SSBP2: variants seen among roughly 807,000 people sequenced by gnomAD.
SSBP2 encodes single stranded DNA binding protein 2.
Under a neutral mutation model 61.8 loss-of-function variants are expected in SSBP2, and 17 were observed. The observed-to-expected ratio is 0.28, with a 90% CI of 0.19 to 0.41. The LOEUF (loss-of-function observed/expected upper bound fraction) is 0.41, where lower values mean the gene tolerates loss of function less well. Ranked by LOEUF, SSBP2 falls within the 10% of genes least tolerant of loss-of-function variation. The pLI is 1.00. For missense variants in SSBP2, 310 were observed against 458.7 expected, an observed-to-expected ratio of 0.68 and a Z score of 2.96; for synonymous variants, 139 against 141.3, an observed-to-expected ratio of 0.98 and a Z score of 0.12.
At chr5:81,459,244 A>G (rs1333896572) in intron 10 of SSBP2, among the ~76,000 whole-genome samples, 3 of 152,186 alleles carry the variant, frequency 2.0e-5, no homozygotes, top group African/African-American at 7.2e-5. Flanking sequence ...CTAAAAAACT[A>G]AAAGTCATCA....
intron 4 of SSBP2, among the ~76,000 whole-genome samples, chr5:81,527,303 GA>G (rs1770020021): frequency 6.6e-6 from 1 of 152,064 alleles, no homozygotes; most frequent in South Asian, 2.1e-4. Flanking sequence ...CAGCACAAGT[GA>G]AAAGTGGAGG....
upstream of SSBP2, among the ~76,000 whole-genome samples, chr5:81,751,442 C>G (rs1010655437): frequency 2.0e-5 from 3 of 152,242 alleles, no homozygotes; most frequent in African/African-American, 7.2e-5. Context: ...CCACCCCTCC[C>G]CCCGCGCCGC....
intron 4 of SSBP2, among the ~76,000 whole-genome samples, chr5:81,574,781 A>T (rs1057225669): frequency 2.0e-5 from 3 of 152,208 alleles, no homozygotes; most frequent in Non-Finnish European, 4.4e-5. Context: ...CACAGGAATG[A>T]TATCTTCAAG....
intron 4 of SSBP2, among the ~76,000 whole-genome samples, chr5:81,573,504 T>C (rs1581058456): frequency 1.3e-5 from 2 of 152,346 alleles, no homozygotes; most frequent in South Asian, 4.1e-4. Flanking sequence ...CAAAGGGTTA[T>C]AGTCTTGGAC....
At chr5:81,678,789 A>G (rs1410027483) in intron 1 of SSBP2, among the ~76,000 whole-genome samples, 1 of 152,174 alleles carries the variant, frequency 6.6e-6, no homozygotes, top group Non-Finnish European at 1.5e-5. Context: ...AAAATAAAAG[A>G]ACGCCAAACC....
intron 4 of SSBP2, among the ~76,000 whole-genome samples, chr5:81,574,592 C>T (rs541500699): frequency 6.6e-6 from 1 of 151,936 alleles, no homozygotes; most frequent in African/African-American, 2.4e-5. Context: ...TTAAGAAGCA[C>T]TACAAAACCC....
intron 4 of SSBP2, among the ~76,000 whole-genome samples, chr5:81,529,173 T>A (rs1304824303): frequency 1.3e-5 from 2 of 152,088 alleles, no homozygotes; most frequent in Admixed American, 1.3e-4. Flanking sequence ...ATATGTAGAA[T>A]CAAGTATAAT....
chr5:81,453,807 T>A lies in SSBP2; in HGVS notation c.688-4982A>T, dbSNP rs1048039965. 1.2e-4 allele frequency among the ~76,000 whole-genome samples: 19 copies of A among 152,082 alleles called. 1 individual carries two copies. Among genetic ancestry groups the A allele is most frequent in the Non-Finnish European group, 2.9e-5 (2 of 68,014 alleles). On this transcript the variant is annotated intron_variant, in intron 10 of 16. Transcript: ENST00000320672. ...GCTTAAGCTTTTTACCTTTCTGTGA[T>A]ACACCTAAAAGTAAATAAAAAAGTA...
intron 4 of SSBP2, among the ~76,000 whole-genome samples, chr5:81,543,106 C>T (rs531041165): frequency 3.3e-5 from 5 of 152,240 alleles, no homozygotes; most frequent in South Asian, 2.1e-4. Context: ...CCGCCTGCTT[C>T]GGCCTCCCAA....
chr5:81,475,458 T>C (rs1338619113), intron 6 of SSBP2, among the ~76,000 whole-genome samples: 3 of 152,124 alleles, frequency 2.0e-5, no homozygotes, highest in East Asian at 1.9e-4. Flanking sequence ...CAAGTCATTT[T>C]TGTAGTTTTT....
At chr5:81,535,738 C>T (rs2154111546) in intron 4 of SSBP2, among the ~76,000 whole-genome samples, 1 of 151,986 alleles carries the variant, frequency 6.6e-6, no homozygotes, top group South Asian at 2.1e-4. Context: ...AAACACAGAC[C>T]TTACACCCTT....
chr5:81,511,305 T>C (rs923922018), intron 5 of SSBP2, among the ~76,000 whole-genome samples: 7 of 152,154 alleles, frequency 4.6e-5, no homozygotes, highest in African/African-American at 1.7e-4. Flanking sequence ...CATCACATTG[T>C]AGGGCTTCTC....
At chr5:81,719,657 C>T (rs1465958035) in intron 1 of SSBP2, among the ~76,000 whole-genome samples, 1 of 152,040 alleles carries the variant, frequency 6.6e-6, no homozygotes, top group Non-Finnish European at 1.5e-5. Context: ...GTTTATTACT[C>T]GCAGTTCTAG....
chr5:81,609,805 C>T (rs562338410), intron 4 of SSBP2, among the ~76,000 whole-genome samples: 1 of 152,282 alleles, frequency 6.6e-6, no homozygotes, highest in South Asian at 2.1e-4. Flanking sequence ...GTTGTGCCCA[C>T]CTTTCAGTGG....
intron 4 of SSBP2, among the ~76,000 whole-genome samples, chr5:81,548,128 G>A (rs981856740): frequency 7.2e-5 from 11 of 152,140 alleles, no homozygotes; most frequent in African/African-American, 2.7e-4. Flanking sequence ...TTTTGCTGTT[G>A]GAGGGTCTTG....
At chr5:81,453,558 G>A (rs1284643698) in intron 10 of SSBP2, among the ~76,000 whole-genome samples, 11 of 149,208 alleles carry the variant, frequency 7.4e-5, no homozygotes, top group Admixed American at 1.4e-4. Flanking sequence ...CCGGGTTCAC[G>A]CCATTCTCTT....
chr5:81,680,691 A>C (rs2153813035), intron 1 of SSBP2, among the ~76,000 whole-genome samples: 1 of 152,334 alleles, frequency 6.6e-6, no homozygotes, highest in African/African-American at 2.4e-5. Flanking sequence ...GTAATGGTAA[A>C]GGGGTCACTA....
At position 81,751,086 on chromosome 5, in the gene SSBP2, C is replaced by T; in HGVS notation, c.-44G>A. On this transcript the variant is annotated 5_prime_UTR_variant, in exon 1 of 17. The change abolishes an upstream ATG in the 5' untranslated region. Transcript: ENST00000320672. ...TCCCACTGTCACGCACCTGTCAACC[C>T]ATCACAGCCTCCCCGGGAACAGCCC... is the stretch of plus-strand genomic sequence containing the variant. 7 of 1,556,200 alleles carry T rather than the reference C, an allele frequency of 4.5e-6. No homozygotes were observed. Among genetic ancestry groups the T allele is most frequent in the Non-Finnish European group, 6.1e-6 (7 of 1,148,348 alleles).
intron 15 of SSBP2, among the ~76,000 whole-genome samples, chr5:81,432,535 A>G (rs1762357560): frequency 6.6e-6 from 1 of 152,112 alleles, no homozygotes. Flanking sequence ...TCACGATGTC[A>G]GGAGTTTGAG....
Sources: gnomAD v4.1 joint callset for allele counts (sites outside exome capture counted in the v4.1 genomes callset) on GRCh38, gnomAD v4.1.1 for gene constraint, MANE v1.5 for transcripts, NCBI Gene and HGNC (gene_info 2026-07-23, HGNC 2026-07-21) for gene names.